RAD52: variants seen among roughly 807,000 people sequenced by gnomAD.
RAD52 encodes the protein RAD52 DNA repair protein.
Under a neutral mutation model 55.5 loss-of-function variants are expected in RAD52, and 47 were observed. The observed-to-expected ratio is 0.85, with a 90% CI of 0.67 to 1.08. The LOEUF is 1.08. RAD52 is among the 50% of genes least tolerant of loss of function. RAD52 has a pLI of 0.00. For missense variants in RAD52, 468 were observed against 522.8 expected (o/e 0.90, Z 1.02); for synonymous variants, 184 against 198.9 (o/e 0.92, Z 0.63).
At chr12:954,683 T>C (rs533878648), upstream of RAD52, among the ~76,000 whole-genome samples, 4 of 152,324 alleles carry the variant, frequency 2.6e-5, no homozygotes, top group African/African-American at 4.8e-5. Flanking sequence ...TCCTTATTGA[T>C]TAATCCTTTT....
At chr12:988,723 A>T (rs1959122627) in intron 1 of RAD52, among the ~76,000 whole-genome samples, 1 of 152,176 alleles carries the variant, frequency 6.6e-6, no homozygotes, top group East Asian at 1.9e-4. Context: ...TTTACAACAA[A>T]CCACTCTCCA....
chr12:945,796 A>G (rs1342842758), intron 1 of RAD52, among the ~76,000 whole-genome samples: 3 of 149,128 alleles, frequency 2.0e-5, no homozygotes, highest in African/African-American at 7.3e-5. Flanking sequence ...AGGCCGAGGC[A>G]GGCAGATCAT....
intron 7 of RAD52, among the ~76,000 whole-genome samples, chr12:921,655 A>G (rs540658506): frequency 1.3e-5 from 2 of 152,308 alleles, no homozygotes; most frequent in South Asian, 2.1e-4. Flanking sequence ...AGACCACTGC[A>G]TTCCAGCCTG....
Position 925,403 on chromosome 12 carries a change from A to C in RAD52, c.543+47T>G, listed in dbSNP as rs375873399. ...CCAAATACTCAACCCATGACACACA[A>C]GAGTTTGCCGCATTATCTTCACTCC... On this transcript the variant is annotated intron_variant, in intron 7 of 11. Coordinates refer to ENST00000358495, the MANE Select transcript of RAD52 (RefSeq NM_134424.4). The C allele has an allele frequency of 3.1e-5, 46 of 1,495,174 alleles. No individual in the cohort carries two copies. In the Admixed American group the frequency reaches 5.3e-4, roughly 17 times the overall value. The allele number at this position is 1,495,174 out of a possible 1,614,324, so 92.6% of individuals were successfully genotyped here.
intron 7 of RAD52, among the ~76,000 whole-genome samples, chr12:923,824 G>A (rs542494824): frequency 1.3e-4 from 20 of 152,028 alleles, no homozygotes; most frequent in South Asian, 4.2e-4. Context: ...TTCGGAGGCC[G>A]AGGCAGGCGG....
intron 1 of RAD52, among the ~76,000 whole-genome samples, chr12:988,251 T>C (rs2154122321): frequency 6.6e-6 from 1 of 152,368 alleles, no homozygotes; most frequent in African/African-American, 2.4e-5. Flanking sequence ...AATTTATAAT[T>C]TGGCAATTTA....
chr12:946,431 C>T (rs1213234777), intron 1 of RAD52, among the ~76,000 whole-genome samples: 1 of 152,152 alleles, frequency 6.6e-6, no homozygotes, highest in Non-Finnish European at 1.5e-5. Context: ...TACAGGGTTA[C>T]TCAACAGGCC....
chr12:937,112 A>AG (rs1342379274), intron 1 of RAD52, among the ~76,000 whole-genome samples: 4 of 152,166 alleles, frequency 2.6e-5, no homozygotes, highest in Non-Finnish European at 4.4e-5. Flanking sequence ...ACAGAAGCTG[A>AG]GGGGTCCGTC....
chr12:982,312 T>C (rs747965917), intron 1 of RAD52, among the ~76,000 whole-genome samples: 48 of 152,320 alleles, frequency 3.2e-4, no homozygotes, highest in South Asian at 1.2e-3. Flanking sequence ...GCACCTATAA[T>C]CTCTATGAAA....
intron 7 of RAD52, among the ~76,000 whole-genome samples, chr12:919,494 C>A (rs1346970930): frequency 1.3e-5 from 2 of 151,878 alleles, no homozygotes; most frequent in Admixed American, 1.3e-4. Flanking sequence ...ACCTGTAATC[C>A]CAGAACTTTG....
chr12:974,426 G>A (rs1958909994), intron 1 of RAD52: 1 of 152,278 alleles, frequency 6.6e-6, no homozygotes, highest in Non-Finnish European at 1.5e-5. Flanking sequence ...CTTGTTCCCA[G>A]CTTTCTGCCT....
At chr12:949,292 C>T (rs567167151) in intron 1 of RAD52, 13 of 152,360 alleles carry the variant, frequency 8.5e-5, no homozygotes, top group African/African-American at 2.6e-4. Flanking sequence ...CCACGCCTGT[C>T]TGCAGGCAGC....
chr12:931,384 C>G (rs953669298), intron 2 of RAD52, 63 bp from the exon 3 acceptor site: 2 of 1,259,904 alleles, frequency 1.6e-6, no homozygotes, highest in African/African-American at 3.0e-5. Flanking sequence ...ATTGAGTCTC[C>G]ATCCTTTATG....
chr12:953,757 C>T (rs1448177023), upstream of RAD52, among the ~76,000 whole-genome samples: 1 of 152,168 alleles, frequency 6.6e-6, no homozygotes, highest in Admixed American at 6.5e-5. Context: ...GCCTGCCTGC[C>T]ACAGCATTTC....
rs1374958344 is a variant in RAD52 at position 932,976 on chromosome 12, T to C, written c.83A>G (p.Gln28Arg). Residue 28 changes from glutamine (Q) to arginine (R), a missense_variant and splice_region_variant, in exon 2 of 12, where the codon CAG becomes CGG. Physicochemically the swap from Gln to Arg is conservative, Grantham distance 43. Transcript: ENST00000358495. Reference protein sequence around the residue: ...AGGGSVLCFGQCQYTAEEYQA... With the variant: ...AGGGSVLCFGRCQYTAEEYQA... Reference sequence around the variant, plus strand: ...CCGGCATGAAGGAACCACAGTTACCTGTCCAAAGCATAACACTGAGCCGCC... The same window carrying C: ...CCGGCATGAAGGAACCACAGTTACCCGTCCAAAGCATAACACTGAGCCGCC... The C allele has an allele frequency of 6.2e-7, 1 of 1,613,928 alleles. No individual in the cohort carries two copies. The highest frequency in any genetic ancestry group is 1.1e-5 in the South Asian group (1 of 91,058).
At chr12:913,645 A>T (rs1003601098) in intron 11 of RAD52, among the ~76,000 whole-genome samples, 193 bp from the exon 12 acceptor site, 1 of 152,106 alleles carries the variant, frequency 6.6e-6, no homozygotes, top group Non-Finnish European at 1.5e-5. Context: ...GCTGGGAGGG[A>T]CAGCTCTCCA....
chr12:932,898 G>A (rs565310702), intron 2 of RAD52, 77 bp downstream of exon 2: 53 of 1,301,870 alleles, frequency 4.1e-5, no homozygotes, highest in African/African-American at 3.2e-4. Flanking sequence ...CATGTACTAC[G>A]ATGCTCTACA....
At chr12:976,084 C>G (rs1476746675) in intron 1 of RAD52, 1 of 152,240 alleles carries the variant, frequency 6.6e-6, no homozygotes, top group African/African-American at 2.4e-5. Flanking sequence ...CTTTGGGAGG[C>G]TGAGGCAGGT....
chr12:959,015 C>T (rs1958649111), intron 1 of RAD52, among the ~76,000 whole-genome samples: 1 of 152,094 alleles, frequency 6.6e-6, no homozygotes, highest in Non-Finnish European at 1.5e-5. Context: ...CTGATCCAGG[C>T]GCTGTCACTC....
Sources: gnomAD v4.1 joint callset for allele counts (sites outside exome capture counted in the v4.1 genomes callset) on GRCh38, gnomAD v4.1.1 for gene constraint, MANE v1.5 for transcripts, NCBI Gene and HGNC (gene_info 2026-07-23, HGNC 2026-07-21) for gene names.